The following BABAM2 variants were observed in gnomAD, a reference collection of about 807,000 sequenced individuals.
BABAM2 encodes the protein BRISC and BRCA1-A complex member 2.
BABAM2 carries 31 observed loss-of-function variants against 54.7 expected under a neutral mutation model. That is an observed-to-expected ratio of 0.57 (90% CI 0.43 to 0.77). The LOEUF (loss-of-function observed/expected upper bound fraction) is 0.77. BABAM2 is among the 30% of genes least tolerant of loss of function. The pLI, the probability that BABAM2 is intolerant of heterozygous loss-of-function variation, is 0.00. For synonymous variants in BABAM2, 167 were observed against 162.9 expected (o/e 1.03, Z -0.19); for missense variants, 364 against 455.8 (o/e 0.80, Z 1.83).
At chr2:28,054,193 T>TA (rs1306688235) in intron 6 of BABAM2, among the ~76,000 whole-genome samples, 2 of 152,084 alleles carry the variant, frequency 1.3e-5, no homozygotes, top group East Asian at 3.9e-4. Flanking sequence ...CATAAATAGA[T>TA]ACGTAAAGGG....
intron 2 of BABAM2, among the ~76,000 whole-genome samples, chr2:27,905,073 G>T (rs1280851566): frequency 6.6e-6 from 1 of 152,156 alleles, no homozygotes; most frequent in African/African-American, 2.4e-5. Flanking sequence ...ATATATGAAA[G>T]CAAACACAGA....
intron 7 of BABAM2, among the ~76,000 whole-genome samples, chr2:28,222,443 T>C (rs1471395629): frequency 6.6e-6 from 1 of 152,248 alleles, no homozygotes; most frequent in Non-Finnish European, 1.5e-5. Flanking sequence ...CACGTGAGTC[T>C]GAGCGAAACT....
intron 7 of BABAM2, among the ~76,000 whole-genome samples, chr2:28,147,587 C>T (rs1467039848): frequency 6.6e-6 from 1 of 151,924 alleles, no homozygotes; most frequent in East Asian, 1.9e-4. Context: ...CATTCTCCTG[C>T]CTCAGCCTCC....
At chr2:28,137,378 T>TAG (rs1220710482) in intron 7 of BABAM2, among the ~76,000 whole-genome samples, 3 of 152,174 alleles carry the variant, frequency 2.0e-5, no homozygotes, top group African/African-American at 4.8e-5. Context: ...TTGATTTTGG[T>TAG]AGAGAGAGCT....
intron 1 of BABAM2, among the ~76,000 whole-genome samples, chr2:27,892,704 A>G (rs1417628327): frequency 6.6e-6 from 1 of 152,236 alleles, no homozygotes; most frequent in Non-Finnish European, 1.5e-5. Flanking sequence ...GCAGTAATAT[A>G]TATGGACGCT....
At chr2:27,941,570 A>G (rs1055126307) in intron 3 of BABAM2, among the ~76,000 whole-genome samples, 4 of 151,834 alleles carry the variant, frequency 2.6e-5, no homozygotes, top group Non-Finnish European at 4.4e-5. Flanking sequence ...AAAAAAAAAG[A>G]GCAATATAGT....
chr2:28,091,326 A>G (rs1666136556), intron 6 of BABAM2, among the ~76,000 whole-genome samples: 1 of 152,234 alleles, frequency 6.6e-6, no homozygotes, highest in African/African-American at 2.4e-5. Context: ...TCACAGTTGC[A>G]AAGTATCTTC....
At chr2:28,061,759 A>G (rs1181379002) in intron 6 of BABAM2, among the ~76,000 whole-genome samples, 1 of 152,054 alleles carries the variant, frequency 6.6e-6, no homozygotes, top group East Asian at 1.9e-4. Context: ...AGAAAACGTG[A>G]TAAAATTTCA....
intron 6 of BABAM2, among the ~76,000 whole-genome samples, chr2:28,117,970 G>A (rs928537959): frequency 2.0e-5 from 3 of 152,172 alleles, no homozygotes; most frequent in Non-Finnish European, 4.4e-5. Context: ...GACGTATTAA[G>A]GATGTGGTAA....
chr2:28,337,566 GC>G (rs1173538159), intron 11 of BABAM2, among the ~76,000 whole-genome samples: 1 of 152,242 alleles, frequency 6.6e-6, no homozygotes, highest in African/African-American at 2.4e-5. Context: ...CAAACGGGCT[GC>G]CCCCGGTCCT....
intron 2 of BABAM2, 134 bp from the exon 3 acceptor site, chr2:27,929,698 A>T: frequency 1.4e-6 from 1 of 727,188 alleles, no homozygotes; most frequent in Non-Finnish European, 2.2e-6. Context: ...AAAGGCTTTT[A>T]TTTTGTTCTG....
chr2:28,194,342 C>T (rs1677267097), intron 7 of BABAM2, among the ~76,000 whole-genome samples: 1 of 152,072 alleles, frequency 6.6e-6, no homozygotes, highest in Non-Finnish European at 1.5e-5. Context: ...CCCAGAGTTC[C>T]TTGTGAAGCC....
At chr2:27,909,758 C>T (rs1236178145) in intron 2 of BABAM2, among the ~76,000 whole-genome samples, 3 of 152,164 alleles carry the variant, frequency 2.0e-5, no homozygotes, top group African/African-American at 7.2e-5. Flanking sequence ...GCACCTGCTT[C>T]TCCCATAGTA....
chr2:28,001,399 C>T (rs1185637884), intron 4 of BABAM2, among the ~76,000 whole-genome samples: 2 of 152,180 alleles, frequency 1.3e-5, no homozygotes, highest in Non-Finnish European at 2.9e-5. Context: ...TTCATTGATG[C>T]ATTCACAGTT....
At chr2:27,892,195 G>A (rs990247931) in intron 1 of BABAM2, among the ~76,000 whole-genome samples, 3 of 152,268 alleles carry the variant, frequency 2.0e-5, no homozygotes, top group Admixed American at 1.3e-4. Flanking sequence ...ATTTTATTTT[G>A]CTGAGCTTTA....
intron 6 of BABAM2, among the ~76,000 whole-genome samples, chr2:28,128,843 CTATT>C (rs1669792470): frequency 1.3e-5 from 2 of 151,948 alleles, no homozygotes; most frequent in South Asian, 4.1e-4. Context: ...CAAATTTTTG[CTATT>C]TAAATAGCTT....
At chr2:28,209,714 T>C (rs1679247747) in intron 7 of BABAM2, among the ~76,000 whole-genome samples, 1 of 152,204 alleles carries the variant, frequency 6.6e-6, no homozygotes, top group African/African-American at 2.4e-5. Flanking sequence ...CTGTATGTTT[T>C]TTCTTAGATA....
At chr2:28,066,795 C>A (rs1307687741) in intron 6 of BABAM2, among the ~76,000 whole-genome samples, 3 of 152,132 alleles carry the variant, frequency 2.0e-5, no homozygotes, top group African/African-American at 7.2e-5. Context: ...CCTTTTTTGA[C>A]CTAGTGTGAA....
intron 7 of BABAM2, among the ~76,000 whole-genome samples, chr2:28,146,785 T>G (rs1671530997): frequency 6.6e-6 from 1 of 152,176 alleles, no homozygotes; most frequent in East Asian, 1.9e-4. Context: ...TGGATTTTAA[T>G]CTCTAGAACT....
Sources: allele counts gnomAD v4.1 joint callset (sites outside exome capture counted in the v4.1 genomes callset), GRCh38; gene constraint gnomAD v4.1.1; transcripts MANE v1.5; gene names NCBI Gene and HGNC (gene_info 2026-07-23, HGNC 2026-07-21).